The following SLC8A1 variants were observed in gnomAD, a reference collection of about 807,000 sequenced individuals.
The protein encoded by SLC8A1 is solute carrier family 8 member A1, also known as sodium/calcium exchanger 1.
In SLC8A1, 18 loss-of-function variants were observed where a neutral mutation model predicts 68.3. The ratio of observed to expected loss-of-function variants is 0.26; its 90% CI spans 0.18 to 0.39. SLC8A1 has a LOEUF of 0.39. Ranked by LOEUF, SLC8A1 falls within the 10% of genes least tolerant of loss-of-function variation. SLC8A1 has a pLI of 1.00. For synonymous variants in SLC8A1, 475 were observed against 415.5 expected, an observed-to-expected ratio of 1.14 and a Z score of -1.74; for missense variants, 985 against 1,156.7, an observed-to-expected ratio of 0.85 and a Z score of 2.15.
intron 4 of SLC8A1, among the ~76,000 whole-genome samples, chr2:40,171,076 A>T (rs2148513206): frequency 6.6e-6 from 1 of 152,192 alleles, no homozygotes; most frequent in African/African-American, 2.4e-5. Flanking sequence ...GCTACCCATA[A>T]CTGACCTGGG....
At chr2:40,407,343 G>C (rs752380228) in intron 2 of SLC8A1, among the ~76,000 whole-genome samples, 51 of 152,220 alleles carry the variant, frequency 3.4e-4, no homozygotes, top group Non-Finnish European at 6.6e-4. Context: ...TGGGACTACA[G>C]GCATAAGCCA....
intron 2 of SLC8A1, among the ~76,000 whole-genome samples, chr2:40,182,435 T>C (rs904453928): frequency 1.6e-4 from 24 of 152,208 alleles, no homozygotes; most frequent in Admixed American, 2.6e-4. Flanking sequence ...TTGAAATATT[T>C]CTTAATATGG....
intron 2 of SLC8A1, among the ~76,000 whole-genome samples, chr2:40,320,212 C>G (rs752247290): frequency 3.3e-5 from 5 of 152,084 alleles, no homozygotes; most frequent in Non-Finnish European, 7.4e-5. Context: ...AATACACATA[C>G]ATTGTTTTTC....
chr2:40,316,416 T>C (rs965437688), intron 2 of SLC8A1, among the ~76,000 whole-genome samples: 2 of 152,090 alleles, frequency 1.3e-5, no homozygotes, highest in East Asian at 3.9e-4. Context: ...TTTTTTCCTA[T>C]TAATTTGAAC....
chr2:40,212,281 ATCTTTT>A (rs2056736049), intron 2 of SLC8A1, among the ~76,000 whole-genome samples: 1 of 118,210 alleles, frequency 8.5e-6, no homozygotes, highest in Admixed American at 9.7e-5. Flanking sequence ...GAGATGCAAT[ATCTTTT>A]TTTTTTTTTT....
chr2:40,445,857 T>G (rs66521967), intron 1 of SLC8A1, among the ~76,000 whole-genome samples: 14,269 of 152,152 alleles, frequency 0.094, 1,372 homozygotes, highest in East Asian at 0.43. Context: ...TGAGAGACAT[T>G]TGATGGGTAC....
At chr2:40,166,854 C>T (rs999804929) in intron 4 of SLC8A1, among the ~76,000 whole-genome samples, 3 of 152,176 alleles carry the variant, frequency 2.0e-5, no homozygotes, top group Non-Finnish European at 4.4e-5. Context: ...AAGACTTACA[C>T]AGAACAAGAA....
intron 2 of SLC8A1, among the ~76,000 whole-genome samples, chr2:40,244,424 C>A (rs1012134405): frequency 6.6e-6 from 1 of 152,120 alleles, no homozygotes; most frequent in East Asian, 1.9e-4. Flanking sequence ...GGGAGTTGTC[C>A]GATGACTTTT....
At chr2:40,257,370 T>A (rs1043605354) in intron 2 of SLC8A1, among the ~76,000 whole-genome samples, 1 of 128,808 alleles carries the variant, frequency 7.8e-6, no homozygotes, top group African/African-American at 2.5e-5. Context: ...GAAGACATGA[T>A]AATGAAACTC....
At chr2:40,358,882 A>T (rs1558655) in intron 2 of SLC8A1, among the ~76,000 whole-genome samples, 75,228 of 152,080 alleles carry the variant, frequency 0.49, 19,232 homozygotes, top group Admixed American at 0.6. Context: ...CTGAAGGCAA[A>T]GAACCACACA....
rs116069267 is a variant in SLC8A1 at position 40,420,687 on chromosome 2, C to T, written c.1808+7786G>A. 9.1e-3 allele frequency among the ~76,000 whole-genome samples: 1,380 copies of T among 152,252 alleles called. 18 individuals carry two copies. The highest frequency in any genetic ancestry group is 0.032 in the African/African-American group (1,313 of 41,556). ...CACGGGGTGCAATGTGGTTAATACA[C>T]GTTCTAGAATCCCAGAAAAGATAAA... On this transcript the variant is annotated intron_variant, in intron 2 of 7. Transcript: ENST00000406785.
chr2:40,380,216 G>A (rs1681291685), intron 2 of SLC8A1, among the ~76,000 whole-genome samples: 2 of 152,118 alleles, frequency 1.3e-5, no homozygotes, highest in African/African-American at 4.8e-5. Context: ...TGCTTGAAGA[G>A]GTCAAGGGCT....
At chr2:40,509,639 A>G (rs1706585275) in intron 1 of SLC8A1, among the ~76,000 whole-genome samples, 1 of 151,764 alleles carries the variant, frequency 6.6e-6, no homozygotes, top group African/African-American at 2.4e-5. Context: ...TCCTCTTGTT[A>G]TTGTCACACC....
intron 2 of SLC8A1, among the ~76,000 whole-genome samples, chr2:40,310,862 C>T (rs745658073): frequency 6.6e-6 from 1 of 152,080 alleles, no homozygotes; most frequent in Non-Finnish European, 1.5e-5. Context: ...TACTCACATA[C>T]CCTTATACTA....
exon 8 of SLC8A1, chr2:40,109,798 T>TA (rs1206041369): frequency 1.3e-5 from 2 of 152,238 alleles, no homozygotes; most frequent in Admixed American, 6.5e-5. Flanking sequence ...AGCATAATTC[T>TA]AAAAAATGTG....
intron 1 of SLC8A1, among the ~76,000 whole-genome samples, chr2:40,507,122 T>C (rs1706420419): frequency 6.6e-6 from 1 of 152,026 alleles, no homozygotes; most frequent in Non-Finnish European, 1.5e-5. Context: ...TTTAGATTAA[T>C]GAATGTAAAA....
intron 2 of SLC8A1, among the ~76,000 whole-genome samples, chr2:40,318,887 A>G (rs898952092): frequency 4.6e-5 from 7 of 152,064 alleles, no homozygotes; most frequent in Non-Finnish European, 7.4e-5. Context: ...CAACTTTTCA[A>G]TACAATGTTT....
chr2:40,373,417 C>A (rs1253069875), intron 2 of SLC8A1, among the ~76,000 whole-genome samples: 1 of 151,988 alleles, frequency 6.6e-6, no homozygotes, highest in Non-Finnish European at 1.5e-5. Context: ...TAATTCAATG[C>A]CGATATGAAT....
intron 2 of SLC8A1, among the ~76,000 whole-genome samples, chr2:40,214,810 G>C (rs560785783): frequency 6.6e-6 from 1 of 152,222 alleles, no homozygotes; most frequent in Non-Finnish European, 1.5e-5. Flanking sequence ...CCAACATTCA[G>C]AAGAATAACA....
Sources: allele counts gnomAD v4.1 joint callset (sites outside exome capture counted in the v4.1 genomes callset), GRCh38; gene constraint gnomAD v4.1.1; transcripts MANE v1.5; gene names NCBI Gene and HGNC (gene_info 2026-07-23, HGNC 2026-07-21).